Variants in CSMD1 observed in about 807,000 individuals in gnomAD.
CSMD1 encodes the protein CUB and Sushi multiple domains 1.
Under a neutral mutation model 417.5 loss-of-function variants are expected in CSMD1, and 213 were observed. That is an observed-to-expected ratio of 0.51 (90% CI 0.46 to 0.57). The LOEUF is 0.57. Ranked by LOEUF, CSMD1 falls within the 20% of genes least tolerant of loss-of-function variation. The pLI is 0.00. For missense variants in CSMD1, 6,923 were observed against 4,529.7 expected (o/e 1.53, Z -15.17); for synonymous variants, 2,862 against 1,736.8 (o/e 1.65, Z -16.11).
intron 10 of CSMD1, among the ~76,000 whole-genome samples, chr8:3,533,705 C>T (rs765958394): frequency 4.6e-5 from 7 of 152,178 alleles, no homozygotes; most frequent in South Asian, 2.1e-4. Flanking sequence ...GTGCCTCCAC[C>T]GTGATGTATC....
At chr8:2,985,820 C>T (rs1394055544) in intron 54 of CSMD1, among the ~76,000 whole-genome samples, 1 of 151,804 alleles carries the variant, frequency 6.6e-6, no homozygotes, top group African/African-American at 2.4e-5. Context: ...TCAATTTATT[C>T]TACAAGGAAA....
chr8:4,213,381 T>C (rs1800441357), intron 3 of CSMD1, among the ~76,000 whole-genome samples: 2 of 152,152 alleles, frequency 1.3e-5, no homozygotes, highest in Admixed American at 1.3e-4. Flanking sequence ...TCTTTGAAAT[T>C]TACATGCTTC....
chr8:3,000,518 G>C (rs1205156806), intron 52 of CSMD1, among the ~76,000 whole-genome samples: 1 of 152,032 alleles, frequency 6.6e-6, no homozygotes, highest in African/African-American at 2.4e-5. Context: ...ATTGATTATG[G>C]GTAGTAAGGA....
At chr8:4,002,257 G>C (rs1436669343) in intron 4 of CSMD1, among the ~76,000 whole-genome samples, 1 of 152,030 alleles carries the variant, frequency 6.6e-6, no homozygotes, top group African/African-American at 2.4e-5. Flanking sequence ...GTGTGTATGT[G>C]TGTGTTTGTG....
intron 6 of CSMD1, among the ~76,000 whole-genome samples, chr8:3,752,050 T>C (rs778746618): frequency 5.9e-5 from 9 of 152,132 alleles, no homozygotes; most frequent in Middle Eastern, 3.2e-3. Context: ...CCAGACCACA[T>C]GGAGTCTTCC....
intron 1 of CSMD1, among the ~76,000 whole-genome samples, chr8:4,970,928 T>C (rs1240046789): frequency 1.3e-5 from 2 of 152,130 alleles, no homozygotes; most frequent in African/African-American, 4.8e-5. Context: ...TGGAGTTACC[T>C]TACAATTCCT....
At chr8:4,140,422 T>G (rs7812365) in intron 3 of CSMD1, among the ~76,000 whole-genome samples, 1 of 150,316 alleles carries the variant, frequency 6.7e-6, no homozygotes, top group Admixed American at 6.6e-5. Context: ...TGCTTGAACC[T>G]GGGAAGTGGA....
chr8:4,927,622 G>C (rs931711015), intron 1 of CSMD1, among the ~76,000 whole-genome samples: 17 of 152,186 alleles, frequency 1.1e-4, no homozygotes, highest in Non-Finnish European at 2.2e-4. Flanking sequence ...ACTGACGAAA[G>C]ACAACAGGCA....
At chr8:4,415,348 A>C (rs143006418) in intron 3 of CSMD1, among the ~76,000 whole-genome samples, 15 of 152,168 alleles carry the variant, frequency 9.9e-5, no homozygotes, top group Admixed American at 9.2e-4. Context: ...ATTCCTCCTT[A>C]CTCAGGAAGA....
At chr8:3,679,785 G>C (rs1799559250) in intron 7 of CSMD1, among the ~76,000 whole-genome samples, 1 of 152,170 alleles carries the variant, frequency 6.6e-6, no homozygotes, top group Non-Finnish European at 1.5e-5. Flanking sequence ...ATAGTTGGAA[G>C]TAAAGCTCTC....
chr8:2,966,380 C>T (rs1447265783), intron 58 of CSMD1, among the ~76,000 whole-genome samples, 190 bp downstream of exon 58: 1 of 151,976 alleles, frequency 6.6e-6, no homozygotes, highest in East Asian at 1.9e-4. Context: ...TTCAGCCATA[C>T]GAATAAGCAA....
chr8:4,940,966 T>C (rs1807954996), intron 1 of CSMD1, among the ~76,000 whole-genome samples: 1 of 152,214 alleles, frequency 6.6e-6, no homozygotes, highest in Admixed American at 6.5e-5. Context: ...AGATGGATTT[T>C]TCAAATGTAT....
chr8:4,823,302 C>T (rs567211335), intron 1 of CSMD1, among the ~76,000 whole-genome samples: 1 of 151,926 alleles, frequency 6.6e-6, no homozygotes, highest in East Asian at 1.9e-4. Flanking sequence ...ATTATTTTTT[C>T]CAGATTTTAG....
intron 6 of CSMD1, among the ~76,000 whole-genome samples, chr8:3,730,080 T>C (rs919577199): frequency 6.6e-6 from 1 of 152,078 alleles, no homozygotes; most frequent in East Asian, 1.9e-4. Flanking sequence ...GATTCTGCTC[T>C]CACCCCAAAA....
intron 3 of CSMD1, among the ~76,000 whole-genome samples, chr8:4,369,764 T>G (rs931069495): frequency 6.6e-6 from 1 of 152,204 alleles, no homozygotes; most frequent in Admixed American, 6.5e-5. Context: ...TACTCCTGTT[T>G]GTTCATTTTC....
chr8:3,259,551 A>G (rs1800903402), intron 26 of CSMD1, among the ~76,000 whole-genome samples: 4 of 152,246 alleles, frequency 2.6e-5, no homozygotes, highest in Admixed American at 2.6e-4. Context: ...ATTTAAAATG[A>G]CATTACAACT....
intron 18 of CSMD1, among the ~76,000 whole-genome samples, chr8:3,379,231 C>T (rs1810488605): frequency 6.6e-6 from 1 of 152,106 alleles, no homozygotes; most frequent in Non-Finnish European, 1.5e-5. Context: ...CAAACCACTG[C>T]TCAAGGAAAT....
chr8:4,222,111 A>T (rs1801066922), intron 3 of CSMD1, among the ~76,000 whole-genome samples: 1 of 152,076 alleles, frequency 6.6e-6, no homozygotes, highest in Non-Finnish European at 1.5e-5. Flanking sequence ...CCAACAAAAA[A>T]AAAAAACAGA....
At chr8:4,028,972 G>A (rs1209984231) in intron 4 of CSMD1, among the ~76,000 whole-genome samples, 2 of 152,186 alleles carry the variant, frequency 1.3e-5, no homozygotes, top group Non-Finnish European at 2.9e-5. Flanking sequence ...CAGTGTTGCA[G>A]GTAAAGGAAT....
Sources: allele counts gnomAD v4.1 joint callset (sites outside exome capture counted in the v4.1 genomes callset), GRCh38; gene constraint gnomAD v4.1.1; transcripts MANE v1.5; gene names NCBI Gene and HGNC (gene_info 2026-07-23, HGNC 2026-07-21).